Variants in IQSEC1 observed in about 807,000 individuals in gnomAD.
The protein encoded by IQSEC1 is IQ motif and SEC7 domain-containing protein 1.
IQSEC1 carries 31 observed loss-of-function variants against 91.0 expected under a neutral mutation model. The observed-to-expected ratio is 0.34, with a 90% CI of 0.26 to 0.46. The LOEUF (loss-of-function observed/expected upper bound fraction) is 0.46. IQSEC1 is among the 20% of genes least tolerant of loss of function. The pLI is 1.00. For missense variants in IQSEC1, 1,388 were observed against 1,575.6 expected (o/e 0.88, Z 2.02); for synonymous variants, 699 against 662.6 (o/e 1.05, Z -0.84).
Position 12,994,079 on chromosome 3 carries a change from A to C in IQSEC1, c.24-52214T>G, listed in dbSNP as rs1003800445. Reference sequence around the variant, plus strand: ...CGCGTCCCCCGCCGGCCCGCCTCCTACCTCGCGGGTCCGCCCGCAGCCGCC... The same window carrying C: ...CGCGTCCCCCGCCGGCCCGCCTCCTCCCTCGCGGGTCCGCCCGCAGCCGCC... On this transcript the variant is annotated intron_variant, in intron 1 of 13. Transcript: ENST00000613206. This position sits in a 1 kb window ranked among gnomAD's most constrained non-coding sequence, Gnocchi z 4.5. Among the ~76,000 whole-genome samples the C allele has an allele frequency of 1.4e-5, 2 of 144,596 alleles. No individual in the cohort carries two copies. Among genetic ancestry groups the C allele is most frequent in the Non-Finnish European group, 1.5e-5 (1 of 65,346 alleles). The allele number at this position is 144,596 out of a possible 152,430, so 94.9% of individuals were successfully genotyped here. A position where few individuals can be genotyped will look rare whatever the true frequency, so the allele number is the denominator to read the frequency against.
In IQSEC1 at chr3:13,276,881, G is replaced by T. The variant is rs78818458; in HGVS notation, c.272+5830C>A. Among the ~76,000 whole-genome samples, 425 of 152,210 alleles carry T rather than the reference G, an allele frequency of 2.8e-3. 2 individuals carry two copies. Among genetic ancestry groups the T allele is most frequent in the African/African-American group, 9.6e-3 (400 of 41,528 alleles). ...AGCCTGGCCCGGGTCTGCCCTGGGT[G>T]GGGGCAGCACACTGGAGGCCGCTGA... On this transcript the variant is annotated intron_variant, in intron 1 of 15. Coordinates refer to the IQSEC1 transcript ENST00000648114.
chr3:13,113,017 G>C (rs1041845345), intron 2 of IQSEC1, among the ~76,000 whole-genome samples: 2 of 152,236 alleles, frequency 1.3e-5, no homozygotes, highest in Non-Finnish European at 2.9e-5. Flanking sequence ...TCACCGGGTC[G>C]CAAGCAGACA....
chr3:13,119,143 C>G (rs1200996642), intron 2 of IQSEC1, among the ~76,000 whole-genome samples: 2 of 151,618 alleles, frequency 1.3e-5, no homozygotes, highest in Non-Finnish European at 2.9e-5. Flanking sequence ...AAAAACAAAG[C>G]AATAAGAGAA....
At chr3:13,281,601 G>A (rs1695791037) in intron 1 of IQSEC1, among the ~76,000 whole-genome samples, 1 of 152,150 alleles carries the variant, frequency 6.6e-6, no homozygotes, top group South Asian at 2.1e-4. Context: ...CATGGCCACA[G>A]TCGCTGCAGC....
chr3:13,044,734 C>T (rs940244057), intron 1 of IQSEC1, among the ~76,000 whole-genome samples: 9 of 152,272 alleles, frequency 5.9e-5, no homozygotes, highest in African/African-American at 2.2e-4. Flanking sequence ...CCTCTCACGC[C>T]TGTGGCAGAG....
rs756746540 is a variant in IQSEC1, at chr3:12,901,193, GTGGTGGTGA to G, written c.3126_3134del (p.His1045_His1047del). 34 of 1,543,684 alleles carry G rather than the reference GTGGTGGTGA, an allele frequency of 2.2e-5. No individual in the cohort carries two copies. The highest frequency in any genetic ancestry group is 7.3e-5 in the East Asian group (3 of 40,894). On this transcript the variant is annotated inframe_deletion, in exon 14 of 14. Transcript: ENST00000613206. Reference sequence around the variant, plus strand: ...GCTGGATGTGCTGGGGTGGGTGGTGGTGGTGGTGATGGTGGTACGGGGGAGGGTTCTGCA... The same window carrying G: ...GCTGGATGTGCTGGGGTGGGTGGTGGTGGTGGTACGGGGGAGGGTTCTGCA...
chr3:13,025,193 C>T (rs567118722), intron 1 of IQSEC1, among the ~76,000 whole-genome samples: 6 of 152,322 alleles, frequency 3.9e-5, no homozygotes, highest in South Asian at 4.1e-4. Flanking sequence ...GTGGGGGAAG[C>T]GAGGGCAGGT....
chr3:13,091,674 G>A (rs984913779), intron 2 of IQSEC1, among the ~76,000 whole-genome samples: 5 of 152,202 alleles, frequency 3.3e-5, no homozygotes, highest in Non-Finnish European at 7.4e-5. Context: ...CCTTGCCCCC[G>A]CTGACCTGTC....
intron 1 of IQSEC1, among the ~76,000 whole-genome samples, chr3:13,217,993 G>A (rs920407618): frequency 2.0e-5 from 3 of 152,130 alleles, no homozygotes; most frequent in Non-Finnish European, 4.4e-5. Flanking sequence ...CACAGCACCC[G>A]AAGCATCTAG....
chr3:13,099,860 C>T (rs773043542), intron 2 of IQSEC1, among the ~76,000 whole-genome samples: 31 of 152,150 alleles, frequency 2.0e-4, no homozygotes, highest in Non-Finnish European at 2.4e-4. Context: ...GCAGAGGGCA[C>T]GGCATGTGCA....
intron 1 of IQSEC1, among the ~76,000 whole-genome samples, chr3:13,018,050 G>A (rs1197534377): frequency 6.6e-6 from 1 of 152,224 alleles, no homozygotes; most frequent in Non-Finnish European, 1.5e-5. Flanking sequence ...GATGGGTTGT[G>A]AGGCTCAGAG....
chr3:13,192,812 C>T lies in IQSEC1; in HGVS notation c.273-28679G>A, dbSNP rs532686222. On this transcript the variant is annotated intron_variant, in intron 1 of 15. Transcript: ENST00000648114. The stretch of plus-strand genomic sequence containing the variant: ...TCCACCTGGCTGGGCTCCTCTCCCA[C>T]GTAGGGCTTGCTGGGGCCCTGCTCA... Among the ~76,000 whole-genome samples, 22 of 152,376 alleles carry T rather than the reference C, an allele frequency of 1.4e-4. No homozygotes were observed. The East Asian group carries it at 1.9e-3, about 13-fold the overall frequency.
rs915495807 is a variant in IQSEC1, at chr3:13,026,994, G to A, written c.23+45998C>T. ...TGACTCTAAAGCTAAAGCTCTGGAG[G>A]CTGAAAACAAAATAAATCACTTGTC... On this transcript the variant is annotated intron_variant, in intron 1 of 13. Coordinates refer to ENST00000613206, the MANE Select transcript of IQSEC1 (RefSeq NM_001134382.3). 2.0e-5 allele frequency among the ~76,000 whole-genome samples: 3 copies of A among 151,766 alleles called. No homozygotes were observed. In the East Asian group the frequency reaches 5.8e-4, roughly 29 times the overall value.
At chr3:12,938,584 G>A (rs903793515) in intron 2 of IQSEC1, among the ~76,000 whole-genome samples, 1 of 152,188 alleles carries the variant, frequency 6.6e-6, no homozygotes, top group Non-Finnish European at 1.5e-5. Flanking sequence ...TTCCACAACT[G>A]TAAGCAGAAA....
chr3:13,185,391 G>A (rs193135491), intron 1 of IQSEC1, among the ~76,000 whole-genome samples: 7 of 152,218 alleles, frequency 4.6e-5, no homozygotes, highest in East Asian at 1.9e-4. Context: ...AATGCTCTCC[G>A]AAGCTGTCTT....
Position 13,066,075 on chromosome 3 carries a change from G to A in IQSEC1, c.23+6917C>T, listed in dbSNP as rs539351686. ...AGCAGAATGGTGGGTGCCAGGGGCT[G>A]GGGATGCAAGATGGGAGTCTGCGCT... On this transcript the variant is annotated intron_variant, in intron 1 of 13. Coordinates refer to ENST00000613206, the MANE Select transcript of IQSEC1 (RefSeq NM_001134382.3). Among the ~76,000 whole-genome samples the A allele has an allele frequency of 8.8e-4, 134 of 152,310 alleles. 2 individuals are homozygous for A. The highest frequency in any genetic ancestry group is 2.9e-3 in the African/African-American group (121 of 41,560).
chr3:13,283,232 C>T (rs1358460276), exon 1 of IQSEC1, among the ~76,000 whole-genome samples: 1 of 149,594 alleles, frequency 6.7e-6, no homozygotes, highest in Non-Finnish European at 1.5e-5. Context: ...GCGGCCGCAG[C>T]GGGCAGGCGA....
chr3:13,242,702 A>C (rs1464665591), intron 1 of IQSEC1, among the ~76,000 whole-genome samples: 1 of 152,162 alleles, frequency 6.6e-6, no homozygotes, highest in African/African-American at 2.4e-5. Context: ...GTGCTTCTGG[A>C]GGATGTTCTG....
chr3:13,111,013 T>C (rs1706236370), intron 2 of IQSEC1, among the ~76,000 whole-genome samples: 1 of 151,988 alleles, frequency 6.6e-6, no homozygotes, highest in Non-Finnish European at 1.5e-5. Context: ...GTTCAGAAAG[T>C]GGGTGAGAAA....
Sources: allele counts gnomAD v4.1 joint callset (sites outside exome capture counted in the v4.1 genomes callset), GRCh38; gene constraint gnomAD v4.1.1; non-coding constraint Gnocchi (gnomAD v3.1); transcripts MANE v1.5; gene names NCBI Gene and HGNC (gene_info 2026-07-23, HGNC 2026-07-21).